STX17: variants seen among roughly 807,000 people sequenced by gnomAD.
The protein encoded by STX17 is syntaxin-17.
STX17 carries 29 observed loss-of-function variants against 35.9 expected under a neutral mutation model. The observed-to-expected ratio is 0.81, with a 90% CI of 0.60 to 1.10. The LOEUF (loss-of-function observed/expected upper bound fraction) is 1.10, where lower values mean the gene tolerates loss of function less well. Among genes scored for constraint, STX17 ranks in the 50% least tolerant of loss-of-function variants. STX17 has a pLI of 0.00. For synonymous variants in STX17, 92 were observed against 118.3 expected, an observed-to-expected ratio of 0.78 and a Z score of 1.44; for missense variants, 312 against 352.3, an observed-to-expected ratio of 0.89 and a Z score of 0.92.
At chr9:99,960,675 C>T (rs1194696213) in intron 6 of STX17, among the ~76,000 whole-genome samples, 1 of 152,154 alleles carries the variant, frequency 6.6e-6, no homozygotes, top group Non-Finnish European at 1.5e-5. Context: ...AACTCCTGAC[C>T]TCATGATCCA....
intron 3 of STX17, among the ~76,000 whole-genome samples, chr9:99,950,750 G>T (rs1829575461): frequency 6.6e-6 from 1 of 151,960 alleles, no homozygotes; most frequent in Admixed American, 6.6e-5. Flanking sequence ...TGGGATAGGT[G>T]AAGTGAGAAT....
At chr9:99,911,122 G>A (rs1304550420) in intron 1 of STX17, among the ~76,000 whole-genome samples, 4 of 151,074 alleles carry the variant, frequency 2.6e-5, no homozygotes, top group South Asian at 2.1e-4. Flanking sequence ...CGCAACCTCC[G>A]CCTCCTGGGT....
At position 99,972,782 on chromosome 9, in the gene STX17, TC is replaced by T. The variant is rs1362584407; in HGVS notation, c.*4113del. Among the ~76,000 whole-genome samples the T allele has an allele frequency of 2.0e-5, 3 of 152,182 alleles. No individual in the cohort carries two copies. The highest frequency in any genetic ancestry group is 2.9e-5 in the Non-Finnish European group (2 of 68,030). ...TAAATATGAAAGGTGTTTCTCAGGG[TC>T]CCCTTTGTCCTTCGTTGCTGCCATA... On this transcript the variant is annotated 3_prime_UTR_variant, in exon 8 of 8. Transcript: ENST00000259400.
intron 3 of STX17, among the ~76,000 whole-genome samples, chr9:99,939,924 T>G (rs532804325): frequency 6.6e-6 from 1 of 152,362 alleles, no homozygotes; most frequent in East Asian, 1.9e-4. Context: ...TTGTTCTTAC[T>G]CTACATGTAT....
intron 3 of STX17, among the ~76,000 whole-genome samples, chr9:99,942,108 G>C (rs1277513668): frequency 6.6e-6 from 1 of 152,084 alleles, no homozygotes; most frequent in Non-Finnish European, 1.5e-5. Flanking sequence ...CAATCCTGTG[G>C]GCACCACATC....
chr9:99,966,828 T>G (rs1286381923), intron 6 of STX17, among the ~76,000 whole-genome samples: 1 of 152,224 alleles, frequency 6.6e-6, no homozygotes, highest in African/African-American at 2.4e-5. Context: ...TGAGTTCGTG[T>G]CACTGGAGGT....
At chr9:99,941,815 A>C (rs553822412) in intron 3 of STX17, among the ~76,000 whole-genome samples, 1 of 152,206 alleles carries the variant, frequency 6.6e-6, no homozygotes, top group East Asian at 1.9e-4. Context: ...GTTTTTGCCT[A>C]TAACAATAGT....
At chr9:99,916,129 C>T (rs1315879702) in intron 2 of STX17, 7 of 452,462 alleles carry the variant, frequency 1.5e-5, no homozygotes, top group African/African-American at 1.2e-4. Context: ...GAGGAAAGCT[C>T]ACAATTGAGA....
chr9:99,911,112 C>T (rs1305114184), intron 1 of STX17, among the ~76,000 whole-genome samples: 5 of 151,792 alleles, frequency 3.3e-5, no homozygotes, highest in Admixed American at 2.6e-4. Context: ...CTGGGTTCAC[C>T]GCAACCTCCG....
intron 3 of STX17, among the ~76,000 whole-genome samples, chr9:99,932,766 A>G (rs1404176332): frequency 6.6e-6 from 1 of 152,106 alleles, no homozygotes; most frequent in Non-Finnish European, 1.5e-5. Context: ...GGTGAGTTTT[A>G]CTCATATCTG....
intron 3 of STX17, among the ~76,000 whole-genome samples, chr9:99,932,792 A>G (rs1829151800): frequency 6.6e-6 from 1 of 152,160 alleles, no homozygotes; most frequent in Non-Finnish European, 1.5e-5. Context: ...AATTTTGTGT[A>G]TAGATTTCTA....
At chr9:99,937,453 C>G (rs541984336) in intron 3 of STX17, among the ~76,000 whole-genome samples, 1 of 152,146 alleles carries the variant, frequency 6.6e-6, no homozygotes, top group South Asian at 2.1e-4. Context: ...ATTGTTTTAT[C>G]TGTGTGTTTT....
At chr9:99,926,321 G>C (rs1040372952) in intron 2 of STX17, among the ~76,000 whole-genome samples, 1 of 151,730 alleles carries the variant, frequency 6.6e-6, no homozygotes, top group Non-Finnish European at 1.5e-5. Context: ...TCTGTTGATT[G>C]GTTTTTCTCA....
chr9:99,951,485 C>T (rs1429286797), intron 4 of STX17, among the ~76,000 whole-genome samples, 200 bp downstream of exon 4: 1 of 151,944 alleles, frequency 6.6e-6, no homozygotes, highest in African/African-American at 2.4e-5. Context: ...TAAGGCTATG[C>T]TTATGGAGTG....
At chr9:99,919,048 CT>C (rs1828840637) in intron 2 of STX17, among the ~76,000 whole-genome samples, 1 of 152,130 alleles carries the variant, frequency 6.6e-6, no homozygotes, top group Admixed American at 6.6e-5. Context: ...GATCCCTGCC[CT>C]TAGCTGTGCT....
At chr9:99,940,207 T>C (rs1829321977) in intron 3 of STX17, among the ~76,000 whole-genome samples, 2 of 152,074 alleles carry the variant, frequency 1.3e-5, no homozygotes, top group African/African-American at 4.8e-5. Flanking sequence ...CTCAGCTCAC[T>C]GCAACCACCA....
At chr9:99,932,794 A>C (rs1029338347) in intron 3 of STX17, among the ~76,000 whole-genome samples, 2 of 152,156 alleles carry the variant, frequency 1.3e-5, no homozygotes, top group South Asian at 4.1e-4. Context: ...TTTTGTGTAT[A>C]GATTTCTACT....
chr9:99,933,792 A>G (rs140682725), intron 3 of STX17, among the ~76,000 whole-genome samples: 40 of 152,290 alleles, frequency 2.6e-4, no homozygotes, highest in African/African-American at 9.4e-4. Context: ...AACACATTGT[A>G]ATTGCATTAT....
chr9:99,917,421 G>C (rs541068390), intron 2 of STX17, among the ~76,000 whole-genome samples: 1 of 152,232 alleles, frequency 6.6e-6, no homozygotes, highest in African/African-American at 2.4e-5. Flanking sequence ...TTTCAAAAAG[G>C]CATATTATTC....
Sources: gnomAD v4.1 joint callset for allele counts (sites outside exome capture counted in the v4.1 genomes callset) on GRCh38, gnomAD v4.1.1 for gene constraint, MANE v1.5 for transcripts, NCBI Gene and HGNC (gene_info 2026-07-23, HGNC 2026-07-21) for gene names.